The following FREM2 variants were observed in gnomAD, a reference collection of about 807,000 sequenced individuals.
FREM2 encodes FRAS1-related extracellular matrix protein 2.
A neutral mutation model predicts 219.9 loss-of-function variants in FREM2; 119 were observed. The observed-to-expected ratio is 0.54, with a 90% CI of 0.47 to 0.63. FREM2 has a LOEUF of 0.63. FREM2 is among the 30% of genes least tolerant of loss of function. The probability of loss-of-function intolerance (pLI) is 0.00; values close to 1 mark genes in which losing one functional copy is unlikely to be tolerated. For missense variants in FREM2, 4,030 were observed against 3,993.6 expected (o/e 1.01, Z -0.25); for synonymous variants, 1,562 against 1,522.8 (o/e 1.03, Z -0.60).
At chr13:38,789,199 G>T (rs997999638) in intron 6 of FREM2, among the ~76,000 whole-genome samples, 3 of 151,762 alleles carry the variant, frequency 2.0e-5, no homozygotes, top group Admixed American at 6.6e-5. Context: ...ATTTAATTTT[G>T]TAGGTTTGGT....
At chr13:38,859,250 A>G (rs1877667556) in intron 13 of FREM2, 37 bp from the exon 14 acceptor site, 4 of 1,597,910 alleles carry the variant, frequency 2.5e-6, no homozygotes, top group Middle Eastern at 3.3e-4. Context: ...CACCTGTTCT[A>G]CACTCTGTTC....
At chr13:38,734,233 T>C (rs1871887960) in intron 2 of FREM2, among the ~76,000 whole-genome samples, 1 of 151,944 alleles carries the variant, frequency 6.6e-6, no homozygotes, top group African/African-American at 2.4e-5. Flanking sequence ...AAATAACATG[T>C]GTTACCCTAT....
chr13:38,822,370 T>C (rs1476670506), intron 6 of FREM2, among the ~76,000 whole-genome samples: 1 of 149,460 alleles, frequency 6.7e-6, no homozygotes, highest in Non-Finnish European at 1.5e-5. Flanking sequence ...TTTTTTTTTT[T>C]TAAGAATCAC....
chr13:38,832,792 C>A (rs1259240257), intron 6 of FREM2, among the ~76,000 whole-genome samples: 1 of 152,118 alleles, frequency 6.6e-6, no homozygotes, highest in Non-Finnish European at 1.5e-5. Context: ...TGCTTGTCAT[C>A]TAAGCACTTT....
At position 38,783,116 on chromosome 13, in the gene FREM2, T is replaced by C. The variant is rs368925235; in HGVS notation, c.5688T>C (p.Asp1896=). 6.2e-6 allele frequency: 10 copies of C among 1,613,868 alleles called. No individual in the cohort carries two copies. The highest frequency in any genetic ancestry group is 4.0e-5 in the African/African-American group (3 of 74,928). ...IPQSKYSVEE[D]VGELFIPIRR... ...AGTCCAAATACTCCGTTGAAGAAGATGTTGGTGAGCTGTTCATTCCCATCA... is the reference window on the plus strand; with the variant it reads ...AGTCCAAATACTCCGTTGAAGAAGACGTTGGTGAGCTGTTCATTCCCATCA... The change falls in exon 5 of 24, where the codon GAT becomes GAC. Residue 1896 remains aspartate, a synonymous_variant. Transcript: ENST00000280481.
In FREM2 at chr13:38,840,625, A is replaced by AATATATATATATATATATATATAT. The variant is rs66795118; in HGVS notation, c.6020-5928_6020-5927insATATATATATATATATATATATAT. Among the ~76,000 whole-genome samples the AATATATATATATATATATATATAT allele has an allele frequency of 1.7e-3, 224 of 135,052 alleles. 2 individuals are homozygous for AATATATATATATATATATATATAT. The highest frequency in any genetic ancestry group is 6.5e-3 in the African/African-American group (205 of 31,552). 88.6% of individuals were successfully genotyped at this position (135,052 alleles called of 152,430 possible). A position where few individuals can be genotyped will look rare whatever the true frequency, so the allele number is the denominator to read the frequency against. On this transcript the variant is annotated intron_variant, in intron 6 of 23. Coordinates refer to ENST00000280481, the MANE Select transcript of FREM2 (RefSeq NM_207361.6). ...TTTTTAACCTGGGGGATAAAACTAA[A>AATATATATATATATATATATATAT]ATATATATATATATATATATGTGTA...
At chr13:38,845,756 G>C (rs1444359220) in intron 6 of FREM2, among the ~76,000 whole-genome samples, 1 of 152,002 alleles carries the variant, frequency 6.6e-6, no homozygotes, top group East Asian at 1.9e-4. Flanking sequence ...CAGACTTCTA[G>C]CAGCTCTATC....
chr13:38,732,820 A>T (rs1209165377), intron 2 of FREM2, among the ~76,000 whole-genome samples: 1 of 152,244 alleles, frequency 6.6e-6, no homozygotes. Context: ...TGTAGAGAAC[A>T]CTATTTTATA....
At chr13:38,747,430 T>TGTGTGTGTGTGTGTGTGTG (rs1442658135) in intron 2 of FREM2, among the ~76,000 whole-genome samples, 1 of 151,074 alleles carries the variant, frequency 6.6e-6, no homozygotes, top group African/African-American at 2.4e-5. Flanking sequence ...TGTGTGTGTA[T>TGTGTGTGTGTGTGTGTGTG]TCATCTGTTG....
At position 38,692,199 on chromosome 13, in the gene FREM2, A is replaced by T; in HGVS notation, c.4855A>T (p.Thr1619Ser). 6.2e-7 allele frequency: 1 copy of T among 1,614,156 alleles called. No homozygotes were observed. The highest frequency in any genetic ancestry group is 1.6e-4 in the Middle Eastern group (1 of 6,062). Reference sequence around the variant, plus strand: ...GTCAAGTGAAGATAGCTTCTCCTTCACAGTGACTGATGGCACCCATACAGA... The same window carrying T: ...GTCAAGTGAAGATAGCTTCTCCTTCTCAGTGACTGATGGCACCCATACAGA... Reference protein sequence around the residue: ...TESSEDSFSFTVTDGTHTDFY... With the variant: ...TESSEDSFSFSVTDGTHTDFY... Residue 1619 changes from threonine to serine, a missense_variant, in exon 1 of 24, where the codon ACA becomes TCA. Transcript: ENST00000280481.
In FREM2 at chr13:38,839,346, A is replaced by G. The variant is rs1159760611; in HGVS notation, c.6020-7227A>G. On this transcript the variant is annotated intron_variant, in intron 6 of 23. Coordinates refer to ENST00000280481, the MANE Select transcript of FREM2 (RefSeq NM_207361.6). ...CCTTCCTCTGGAAGCTTCATCCCAG[A>G]GGGGCACCCGCCACATGCCAGCCAG... Among the ~76,000 whole-genome samples the G allele has an allele frequency of 5.3e-5, 8 of 152,242 alleles. 2 individuals carry two copies. The highest frequency in any genetic ancestry group is 5.2e-4 in the Admixed American group (8 of 15,290).
intron 2 of FREM2, among the ~76,000 whole-genome samples, chr13:38,757,119 C>T (rs1873041196): frequency 6.6e-6 from 1 of 152,250 alleles, no homozygotes; most frequent in East Asian, 1.9e-4. Context: ...GAATCAGCCA[C>T]ATATTAGTCT....
In FREM2 at chr13:38,869,280, C is replaced by T. The variant is rs567673801; in HGVS notation, c.7984-3462C>T. On this transcript the variant is annotated intron_variant, in intron 16 of 23. Transcript: ENST00000280481. The stretch of plus-strand genomic sequence containing the variant: ...TCTGCCTTCTCCAACCTCCCAATTT[C>T]GATTATTTACCTTATTAGTTAACAG... Among the ~76,000 whole-genome samples, 296 of 152,214 alleles carry T rather than the reference C, an allele frequency of 1.9e-3. 1 individual carries two copies. Among genetic ancestry groups the T allele is most frequent in the African/African-American group, 6.8e-3 (284 of 41,526 alleles).
intron 2 of FREM2, among the ~76,000 whole-genome samples, chr13:38,756,795 C>G (rs1593388085): frequency 2.0e-5 from 3 of 151,878 alleles, no homozygotes; most frequent in African/African-American, 7.2e-5. Flanking sequence ...CCCGCCTCAG[C>G]CTTCCAAAGT....
At position 38,885,370 on chromosome 13, in the gene FREM2, A is replaced by G. The variant is rs1878692401; in HGVS notation, c.*4583A>G. The G allele has an allele frequency of 6.6e-6, 1 of 152,192 alleles. No homozygotes were observed. The allele number at this position is 152,192 out of a possible 1,614,324, so 9.4% of individuals were successfully genotyped here. On this transcript the variant is annotated 3_prime_UTR_variant, in exon 24 of 24. Coordinates refer to ENST00000280481, the MANE Select transcript of FREM2 (RefSeq NM_207361.6). ...TAGACACTCAGTATCTTTCTTCCCT[A>G]TCTTTCAAGCACATTTAATTTCTTT... is the stretch of plus-strand genomic sequence containing the variant.
At chr13:38,785,756 A>T (rs1048392956) in intron 6 of FREM2, among the ~76,000 whole-genome samples, 13 of 152,158 alleles carry the variant, frequency 8.5e-5, no homozygotes, top group African/African-American at 3.1e-4. Context: ...ACATTCTTTT[A>T]AAAAGACCTT....
At chr13:38,872,230 T>A (rs1878183615) in intron 16 of FREM2, among the ~76,000 whole-genome samples, 1 of 152,214 alleles carries the variant, frequency 6.6e-6, no homozygotes, top group African/African-American at 2.4e-5. Context: ...TCCATTTATA[T>A]GAAATGTCCA....
chr13:38,743,567 ATG>A (rs1200071355), intron 2 of FREM2, among the ~76,000 whole-genome samples: 1 of 152,188 alleles, frequency 6.6e-6, no homozygotes, highest in Non-Finnish European at 1.5e-5. Context: ...CTCAAATGGT[ATG>A]AGGGAGGCTA....
At chr13:38,746,775 T>G (rs1264288341) in intron 2 of FREM2, among the ~76,000 whole-genome samples, 1 of 152,190 alleles carries the variant, frequency 6.6e-6, no homozygotes, top group East Asian at 1.9e-4. Context: ...GTTGAGTGGC[T>G]GCCATGAAGG....
Sources: allele counts gnomAD v4.1 joint callset (sites outside exome capture counted in the v4.1 genomes callset), GRCh38; gene constraint gnomAD v4.1.1; transcripts MANE v1.5; gene names NCBI Gene and HGNC (gene_info 2026-07-23, HGNC 2026-07-21).